The following STARD13 variants were observed in gnomAD, a reference collection of about 807,000 sequenced individuals.
STARD13 encodes stAR-related lipid transfer protein 13.
A neutral mutation model predicts 106.4 loss-of-function variants in STARD13; 62 were observed. The observed-to-expected ratio is 0.58, with a 90% CI of 0.48 to 0.72. The LOEUF is 0.72. Ranked by LOEUF, STARD13 falls within the 30% of genes least tolerant of loss-of-function variation. STARD13 has a pLI of 0.00. For missense variants in STARD13, 1,387 were observed against 1,424.0 expected, an observed-to-expected ratio of 0.97 and a Z score of 0.42; for synonymous variants, 565 against 553.0, an observed-to-expected ratio of 1.02 and a Z score of -0.31.
At chr13:33,162,376 C>A (rs997713275) in intron 3 of STARD13, among the ~76,000 whole-genome samples, 4 of 152,334 alleles carry the variant, frequency 2.6e-5, no homozygotes, top group Admixed American at 2.6e-4. Context: ...ACATTTTCCC[C>A]ATTGTCTTGG....
the STARD13 span, among the ~76,000 whole-genome samples, chr13:33,428,531 A>G: frequency 6.6e-6 from 1 of 152,214 alleles, no homozygotes; most frequent in African/African-American, 2.4e-5. Context: ...TCTCAAAAGA[A>G]GACATACAAA....
chr13:33,368,705 C>T, the STARD13 span, among the ~76,000 whole-genome samples: 1 of 152,082 alleles, frequency 6.6e-6, no homozygotes, highest in Non-Finnish European at 1.5e-5. Context: ...ACAAGGATAG[C>T]TTTGAGAATG....
the STARD13 span, among the ~76,000 whole-genome samples, chr13:33,405,025 C>T: frequency 6.6e-6 from 1 of 152,192 alleles, no homozygotes; most frequent in Non-Finnish European, 1.5e-5. Context: ...GATCCGCCTG[C>T]CATGGCCTCC....
chr13:33,211,752 C>T (rs942481418), intron 1 of STARD13, among the ~76,000 whole-genome samples: 20 of 151,970 alleles, frequency 1.3e-4, no homozygotes, highest in African/African-American at 3.4e-4. Context: ...ACATATTTTT[C>T]AATTCCCGGT....
At chr13:33,181,198 G>A (rs529798074) in intron 1 of STARD13, among the ~76,000 whole-genome samples, 4 of 151,932 alleles carry the variant, frequency 2.6e-5, no homozygotes, top group Admixed American at 1.3e-4. Flanking sequence ...TCTGTCTCCC[G>A]TGGGCTATCA....
intron 1 of STARD13, chr13:33,278,477 G>GC (rs1566114319): frequency 6.6e-6 from 1 of 150,582 alleles, no homozygotes; most frequent in Non-Finnish European, 1.5e-5. Context: ...TTATTGTGAC[G>GC]CCCCCATTTC....
the STARD13 span, among the ~76,000 whole-genome samples, chr13:33,594,735 C>T: frequency 1.3e-5 from 2 of 152,190 alleles, no homozygotes; most frequent in Non-Finnish European, 2.9e-5. Flanking sequence ...AATTTGCCTA[C>T]TCTAAGCACC....
the STARD13 span, among the ~76,000 whole-genome samples, chr13:33,573,283 C>A: frequency 1.3e-5 from 2 of 152,090 alleles, no homozygotes; most frequent in Non-Finnish European, 2.9e-5. Flanking sequence ...TGTTTGGATT[C>A]ACATAAAAAT....
At chr13:33,526,078 A>G in the STARD13 span, among the ~76,000 whole-genome samples, 1 of 151,974 alleles carries the variant, frequency 6.6e-6, no homozygotes, top group Non-Finnish European at 1.5e-5. Flanking sequence ...TGACAATAAC[A>G]TGGTGATGAT....
chr13:33,165,471 C>T (rs908344349), intron 2 of STARD13, 53 bp from the exon 3 acceptor site: 1 of 1,344,282 alleles, frequency 7.4e-7, no homozygotes, highest in African/African-American at 1.4e-5. Context: ...TGAATGAGCA[C>T]CAACATATTC....
At chr13:33,293,961 C>A (rs1892389507) in intron 1 of STARD13, among the ~76,000 whole-genome samples, 2 of 152,270 alleles carry the variant, frequency 1.3e-5, no homozygotes, top group South Asian at 4.1e-4. Flanking sequence ...CCTATTAATT[C>A]TTTCCCTCTA....
rs148918099 is a variant in STARD13 at position 33,285,295 on chromosome 13, T to G, written c.169+175A>C. Among the ~76,000 whole-genome samples, 813 of 152,286 alleles carry G rather than the reference T, an allele frequency of 5.3e-3. 2 individuals are homozygous for G. Among genetic ancestry groups the G allele is most frequent in the Non-Finnish European group, 9.2e-3 (623 of 68,020 alleles). ...GTTGAGCTATGTGGCAGCTAAGGAC[T>G]GTCCTGTTTGCTGAAAACTGCAGCC... On this transcript the variant is annotated intron_variant, in intron 1 of 13. Transcript: ENST00000336934.
chr13:33,317,970 C>T (rs533307240), intron 1 of STARD13, among the ~76,000 whole-genome samples: 17 of 152,234 alleles, frequency 1.1e-4, no homozygotes, highest in Admixed American at 3.3e-4. Flanking sequence ...CTCAAGGTCA[C>T]GCAGTTAGTA....
At chr13:33,488,981 T>C in the STARD13 span, among the ~76,000 whole-genome samples, 1 of 152,244 alleles carries the variant, frequency 6.6e-6, no homozygotes, top group African/African-American at 2.4e-5. Flanking sequence ...ACACTCAAGT[T>C]GAACACACCC....
the STARD13 span, among the ~76,000 whole-genome samples, chr13:33,610,325 G>T: frequency 1.3e-5 from 2 of 152,176 alleles, no homozygotes; most frequent in African/African-American, 4.8e-5. Flanking sequence ...AGAAAAAAAA[G>T]CAAGTTGTTT....
At chr13:33,110,993 C>T in intron 10 of STARD13, 86 bp from the exon 11 acceptor site, 1 of 1,270,694 alleles carries the variant, frequency 7.9e-7, no homozygotes, top group Non-Finnish European at 1.1e-6. Flanking sequence ...TCACCCACAA[C>T]CCGGCTCTGA....
chr13:33,444,546 A>G, the STARD13 span, among the ~76,000 whole-genome samples: 1 of 152,164 alleles, frequency 6.6e-6, no homozygotes, highest in African/African-American at 2.4e-5. Flanking sequence ...TGGGAGGATT[A>G]CTTGAGGCAG....
At chr13:33,580,795 G>A in the STARD13 span, among the ~76,000 whole-genome samples, 3 of 152,090 alleles carry the variant, frequency 2.0e-5, no homozygotes, top group Non-Finnish European at 2.9e-5. Context: ...TTATAAGCAA[G>A]ATAGACTTAG....
chr13:33,329,704 C>CT lies in STARD13; in HGVS notation c.124+20585dup, dbSNP rs1270014763. ...GTGATTGTATAAAATCACTTTCTTTCTTTTTTTTTTTTTTTTTGAGACAGA... is the reference window on the plus strand; with the variant it reads ...GTGATTGTATAAAATCACTTTCTTTCTTTTTTTTTTTTTTTTTTGAGACAGA... On this transcript the variant is annotated intron_variant, in intron 1 of 5. Coordinates refer to the STARD13 transcript ENST00000567873. 7.2e-3 allele frequency among the ~76,000 whole-genome samples: 909 copies of CT among 126,286 alleles called. 10 individuals carry two copies. The highest frequency in any genetic ancestry group is 0.016 in the South Asian group (62 of 3,836). 82.8% of individuals were successfully genotyped at this position (126,286 alleles called of 152,430 possible). A position where few individuals can be genotyped will look rare whatever the true frequency, so the allele number is the denominator to read the frequency against.
Sources: gnomAD v4.1 joint callset for allele counts (sites outside exome capture counted in the v4.1 genomes callset) on GRCh38, gnomAD v4.1.1 for gene constraint, MANE v1.5 for transcripts, NCBI Gene and HGNC (gene_info 2026-07-23, HGNC 2026-07-21) for gene names.